The following NSUN6 variants were observed in gnomAD, a reference collection of about 807,000 sequenced individuals.
The protein encoded by NSUN6 is tRNA (cytosine(72)-C(5))-methyltransferase NSUN6.
Under a neutral mutation model 58.0 loss-of-function variants are expected in NSUN6, and 64 were observed. That is an observed-to-expected ratio of 1.10 (90% CI 0.90 to 1.36). NSUN6 has a LOEUF of 1.36. Ranked by LOEUF, NSUN6 falls within the 40% of genes most tolerant of loss-of-function variation. NSUN6 has a pLI of 0.00. For missense variants in NSUN6, 701 were observed against 550.1 expected (o/e 1.27, Z -2.74); for synonymous variants, 231 against 193.9 (o/e 1.19, Z -1.59).
At chr10:18,658,601 G>C (rs1322507892), upstream of NSUN6, 3 of 901,312 alleles carry the variant, frequency 3.3e-6, no homozygotes, top group Non-Finnish European at 4.0e-6. Context: ...GCAAAATGGA[G>C]AGGGGTGCTA....
intron 8 of NSUN6, among the ~76,000 whole-genome samples, chr10:18,579,072 T>C (rs2131050513): frequency 6.6e-6 from 1 of 152,352 alleles, no homozygotes; most frequent in Non-Finnish European, 1.5e-5. Flanking sequence ...CCCCCAGACA[T>C]ACCTGGCGTG....
chr10:18,626,651 C>T (rs2058818040), intron 3 of NSUN6, among the ~76,000 whole-genome samples: 1 of 152,162 alleles, frequency 6.6e-6, no homozygotes, highest in Non-Finnish European at 1.5e-5. Flanking sequence ...GCCTGTAATT[C>T]CATATACTCA....
At chr10:18,600,372 C>T (rs943601496) in intron 6 of NSUN6, among the ~76,000 whole-genome samples, 3 of 152,196 alleles carry the variant, frequency 2.0e-5, no homozygotes, top group East Asian at 1.9e-4. Flanking sequence ...TGCCTGTAAT[C>T]CCAGCACTTT....
At chr10:18,558,340 G>A (rs1398992356) in intron 8 of NSUN6, among the ~76,000 whole-genome samples, 1 of 136,956 alleles carries the variant, frequency 7.3e-6, no homozygotes, top group Non-Finnish European at 1.7e-5. Context: ...ATGGAATGAG[G>A]AATGGGATGG....
At chr10:18,578,856 C>T (rs999520485) in intron 8 of NSUN6, among the ~76,000 whole-genome samples, 8 of 152,138 alleles carry the variant, frequency 5.3e-5, no homozygotes, top group Non-Finnish European at 8.8e-5. Flanking sequence ...TGCATTTCAG[C>T]GCACTCACCC....
At chr10:18,651,648 C>A, upstream of NSUN6, 1 of 986,130 alleles carries the variant, frequency 1.0e-6, no homozygotes, top group Non-Finnish European at 1.2e-6. Context: ...TACGTCACGT[C>A]CGGCGCCTGC....
chr10:18,628,955 G>A (rs1048772622), intron 3 of NSUN6, among the ~76,000 whole-genome samples: 2 of 152,134 alleles, frequency 1.3e-5, no homozygotes, highest in Non-Finnish European at 2.9e-5. Flanking sequence ...ATAATTGTCA[G>A]ATTCACCAAA....
intron 6 of NSUN6, among the ~76,000 whole-genome samples, chr10:18,597,226 G>C (rs915319920): frequency 6.6e-6 from 1 of 152,090 alleles, no homozygotes; most frequent in Non-Finnish European, 1.5e-5. Context: ...ACTTACTATA[G>C]AATGATAGCC....
At position 18,556,325 on chromosome 10, in the gene NSUN6, G is replaced by GAATAGAGAAT. The variant is rs377362445; in HGVS notation, c.923-4355_923-4354insATTCTCTATT. Among the ~76,000 whole-genome samples, 537 of 151,544 alleles carry GAATAGAGAAT rather than the reference G, an allele frequency of 3.5e-3. 5 individuals carry two copies. The highest frequency in any genetic ancestry group is 0.012 in the African/African-American group (498 of 41,402). ...GTGGAATGCAATGGAGAATGGAATG[G>GAATAGAGAAT]GGAATGTAATGGAATGGGGAGTAGT... On this transcript the variant is annotated intron_variant, in intron 8 of 10. Transcript: ENST00000377304.
At chr10:18,647,742 T>G (rs1028259363) in intron 2 of NSUN6, among the ~76,000 whole-genome samples, 3 of 144,350 alleles carry the variant, frequency 2.1e-5, no homozygotes, top group African/African-American at 7.8e-5. Context: ...TTTTTTTTTT[T>G]TTTTTTTTTT....
At chr10:18,578,097 A>C (rs1320121639) in intron 8 of NSUN6, among the ~76,000 whole-genome samples, 1 of 152,126 alleles carries the variant, frequency 6.6e-6, no homozygotes, top group African/African-American at 2.4e-5. Flanking sequence ...CAGCACCAAA[A>C]CCTTACTTAT....
intron 8 of NSUN6, among the ~76,000 whole-genome samples, chr10:18,563,903 T>A (rs1181869056): frequency 6.6e-6 from 1 of 151,104 alleles, no homozygotes; most frequent in Non-Finnish European, 1.5e-5. Flanking sequence ...CATCCTCCAT[T>A]ACATTACATT....
At chr10:18,655,172 CCA>C (rs2131622874), upstream of NSUN6, 8 of 980,946 alleles carry the variant, frequency 8.2e-6, no homozygotes, top group Non-Finnish European at 9.7e-6. Flanking sequence ...CGTATCCTTC[CCA>C]CCTAAGAAAG....
chr10:18,647,243 C>T (rs374380981), intron 2 of NSUN6, among the ~76,000 whole-genome samples: 1 of 152,136 alleles, frequency 6.6e-6, no homozygotes, highest in Admixed American at 6.5e-5. Flanking sequence ...TTCTAAATAA[C>T]TAAATACAGC....
intron 8 of NSUN6, among the ~76,000 whole-genome samples, chr10:18,573,218 G>A (rs1333567918): frequency 1.4e-5 from 2 of 143,346 alleles, no homozygotes; most frequent in African/African-American, 5.2e-5. Flanking sequence ...CCACTCCATT[G>A]CATGCTCCGT....
At chr10:18,582,594 T>C (rs1484493502) in intron 8 of NSUN6, among the ~76,000 whole-genome samples, 1 of 152,214 alleles carries the variant, frequency 6.6e-6, no homozygotes, top group Non-Finnish European at 1.5e-5. Context: ...GGATCTCATA[T>C]TCATTGGATC....
At chr10:18,628,827 T>G (rs2058923535) in intron 3 of NSUN6, among the ~76,000 whole-genome samples, 3 of 152,134 alleles carry the variant, frequency 2.0e-5, no homozygotes, top group African/African-American at 7.2e-5. Context: ...TGGAAAACAC[T>G]CTGCAGGATA....
chr10:18,620,212 T>C (rs1238461375), intron 3 of NSUN6, among the ~76,000 whole-genome samples: 2 of 152,104 alleles, frequency 1.3e-5, no homozygotes, highest in Middle Eastern at 3.4e-3. Flanking sequence ...CTCAGCCTCC[T>C]GAGTAGCTGA....
intron 3 of NSUN6, among the ~76,000 whole-genome samples, chr10:18,640,388 A>T (rs551137981): frequency 6.6e-6 from 1 of 152,310 alleles, no homozygotes; most frequent in Admixed American, 6.5e-5. Flanking sequence ...GAAAAACCTA[A>T]TTTAACTCTA....
Sources: allele counts gnomAD v4.1 joint callset (sites outside exome capture counted in the v4.1 genomes callset), GRCh38; gene constraint gnomAD v4.1.1; transcripts MANE v1.5; gene names NCBI Gene and HGNC (gene_info 2026-07-23, HGNC 2026-07-21).